AMPH: variants seen among roughly 807,000 people sequenced by gnomAD.
AMPH encodes amphiphysin.
AMPH carries 49 observed loss-of-function variants against 99.1 expected under a neutral mutation model. That is an observed-to-expected ratio of 0.49 (90% CI 0.39 to 0.63). The LOEUF is 0.63. Ranked by LOEUF, AMPH falls within the 20% of genes least tolerant of loss-of-function variation. The pLI is 0.00. For missense variants in AMPH, 759 were observed against 863.4 expected (o/e 0.88, Z 1.52); for synonymous variants, 314 against 317.3 (o/e 0.99, Z 0.11).
chr7:38,389,321 C>T (rs947666877), intron 20 of AMPH, among the ~76,000 whole-genome samples: 2 of 152,230 alleles, frequency 1.3e-5, no homozygotes, highest in African/African-American at 4.8e-5. Flanking sequence ...TGAGGTATAA[C>T]TTAAATACTG....
intron 1 of AMPH, among the ~76,000 whole-genome samples, chr7:38,587,071 T>C (rs559056136): frequency 3.9e-5 from 6 of 152,042 alleles, no homozygotes; most frequent in Non-Finnish European, 7.4e-5. Context: ...ATCTCTAGTG[T>C]GCTAATGAAT....
At chr7:38,549,850 C>A (rs1310065854) in intron 1 of AMPH, among the ~76,000 whole-genome samples, 1 of 152,200 alleles carries the variant, frequency 6.6e-6, no homozygotes, top group Admixed American at 6.5e-5. Context: ...TATACTGGTT[C>A]TACATCTTAT....
At chr7:38,388,248 T>A (rs1784398038) in intron 20 of AMPH, among the ~76,000 whole-genome samples, 1 of 152,064 alleles carries the variant, frequency 6.6e-6, no homozygotes. Flanking sequence ...CAAAATAACT[T>A]CTGGTTAATG....
chr7:38,504,908 G>T (rs1005229960), intron 2 of AMPH, among the ~76,000 whole-genome samples: 1 of 152,162 alleles, frequency 6.6e-6, no homozygotes, highest in Non-Finnish European at 1.5e-5. Context: ...TAACAAAATT[G>T]CAGAGAGCTA....
At chr7:38,454,810 G>T (rs1455776570) in intron 11 of AMPH, among the ~76,000 whole-genome samples, 1 of 152,154 alleles carries the variant, frequency 6.6e-6, no homozygotes, top group African/African-American at 2.4e-5. Context: ...CAACAAAAAA[G>T]TTGGAAGCAA....
intron 14 of AMPH, chr7:38,428,167 T>G (rs1785855321): frequency 2.2e-6 from 1 of 456,648 alleles, no homozygotes; most frequent in African/African-American, 2.0e-5. Context: ...TCCAGACAAC[T>G]GGCAAATCCA....
At chr7:38,499,574 G>A (rs1001367198) in intron 3 of AMPH, among the ~76,000 whole-genome samples, 3 of 152,052 alleles carry the variant, frequency 2.0e-5, no homozygotes, top group Non-Finnish European at 2.9e-5. Flanking sequence ...GACCCTCCAG[G>A]GCCAAATATC....
intron 5 of AMPH, among the ~76,000 whole-genome samples, chr7:38,483,183 C>G (rs889446742): frequency 3.9e-5 from 6 of 152,062 alleles, no homozygotes; most frequent in Non-Finnish European, 7.4e-5. Context: ...TTCTACTTGC[C>G]TGTCTGGGAT....
At chr7:38,581,118 A>C (rs1792440471) in intron 1 of AMPH, among the ~76,000 whole-genome samples, 1 of 152,210 alleles carries the variant, frequency 6.6e-6, no homozygotes, top group Non-Finnish European at 1.5e-5. Flanking sequence ...AGACAAAAGA[A>C]ATGGCTGTCA....
chr7:38,485,604 C>G (rs1477520324), intron 5 of AMPH, among the ~76,000 whole-genome samples: 1 of 151,722 alleles, frequency 6.6e-6, no homozygotes, highest in African/African-American at 2.4e-5. Flanking sequence ...AACAGTAGAC[C>G]TGAGCAACTA....
At position 38,562,643 on chromosome 7, in the gene AMPH, A is replaced by G. The variant is rs6462851; in HGVS notation, c.70-27632T>C. 7.3e-5 allele frequency among the ~76,000 whole-genome samples: 11 copies of G among 151,172 alleles called. No homozygotes were observed. The East Asian group carries it at 2.0e-3, about 27-fold the overall frequency. ...ACAAAATACTCAAAGGAATCATGAT[A>G]TGAGCACAAAAAGAGGGAGAAGAGG... is the stretch of plus-strand genomic sequence containing the variant. On this transcript the variant is annotated intron_variant, in intron 1 of 20. Transcript: ENST00000356264.
chr7:38,563,985 T>A (rs1444995482), intron 1 of AMPH, among the ~76,000 whole-genome samples: 1 of 152,190 alleles, frequency 6.6e-6, no homozygotes, highest in Non-Finnish European at 1.5e-5. Flanking sequence ...AGACCCCAAC[T>A]GGTGTGATCA....
At chr7:38,607,071 C>T (rs1562858054) in intron 1 of AMPH, among the ~76,000 whole-genome samples, 1 of 152,108 alleles carries the variant, frequency 6.6e-6, no homozygotes, top group African/African-American at 2.4e-5. Flanking sequence ...CCATGTTTTT[C>T]ATCATTACAG....
intron 11 of AMPH, among the ~76,000 whole-genome samples, chr7:38,456,954 C>T (rs1361929154): frequency 1.3e-5 from 2 of 152,166 alleles, no homozygotes; most frequent in Admixed American, 6.5e-5. Context: ...GCAAATGCAC[C>T]CTAAGTCATT....
chr7:38,434,206 A>G (rs1044367050), intron 12 of AMPH, among the ~76,000 whole-genome samples: 1 of 152,220 alleles, frequency 6.6e-6, no homozygotes, highest in Non-Finnish European at 1.5e-5. Flanking sequence ...CACTGCGGTG[A>G]TATATGTCCT....
chr7:38,567,924 C>A (rs986634301), intron 1 of AMPH, among the ~76,000 whole-genome samples: 7 of 151,956 alleles, frequency 4.6e-5, no homozygotes, highest in Non-Finnish European at 7.4e-5. Context: ...TAACAATATA[C>A]CAAGTATGAA....
chr7:38,402,133 C>T (rs749714382), intron 17 of AMPH, among the ~76,000 whole-genome samples: 3 of 152,142 alleles, frequency 2.0e-5, no homozygotes, highest in Non-Finnish European at 4.4e-5. Context: ...AATCTTTTCT[C>T]ATGTTATTGA....
At chr7:38,450,479 G>C (rs527841591) in intron 11 of AMPH, among the ~76,000 whole-genome samples, 1 of 147,836 alleles carries the variant, frequency 6.8e-6, no homozygotes, top group African/African-American at 2.6e-5. Flanking sequence ...AGTGCCATCT[G>C]GTCAGGGCAT....
At chr7:38,410,180 TCTC>T (rs1248459065) in intron 17 of AMPH, among the ~76,000 whole-genome samples, 4 of 152,134 alleles carry the variant, frequency 2.6e-5, no homozygotes, top group Admixed American at 2.6e-4. Context: ...CAAACTGCCT[TCTC>T]CTAAGCAGGC....
Sources: gnomAD v4.1 joint callset for allele counts (sites outside exome capture counted in the v4.1 genomes callset) on GRCh38, gnomAD v4.1.1 for gene constraint, MANE v1.5 for transcripts, NCBI Gene and HGNC (gene_info 2026-07-23, HGNC 2026-07-21) for gene names.